Variants in HMCN1 observed in about 807,000 individuals in gnomAD.
HMCN1 encodes the protein hemicentin-1.
Under a neutral mutation model 625.9 loss-of-function variants are expected in HMCN1, and 321 were observed. The ratio of observed to expected loss-of-function variants is 0.51; its 90% CI spans 0.47 to 0.56. The LOEUF (loss-of-function observed/expected upper bound fraction) is 0.56, where lower values mean the gene tolerates loss of function less well. HMCN1 is among the 20% of genes least tolerant of loss of function. The pLI, the probability that HMCN1 is intolerant of heterozygous loss-of-function variation, is 0.00. For synonymous variants in HMCN1, 2,425 were observed against 2,417.6 expected (o/e 1.00, Z -0.09); for missense variants, 6,588 against 6,887.3 (o/e 0.96, Z 1.54).
At chr1:185,926,390 G>A (rs1277434624) in intron 9 of HMCN1, among the ~76,000 whole-genome samples, 1 of 152,044 alleles carries the variant, frequency 6.6e-6, no homozygotes, top group Non-Finnish European at 1.5e-5. Flanking sequence ...ATATCTTAAT[G>A]ATTTATTTAG....
rs1009834451 is a variant in HMCN1, at chr1:185,987,469, T to C, written c.2973T>C (p.Ser991=). Residue 991 remains serine (S), a synonymous_variant, in exon 20 of 107, where the codon AGT becomes AGC. Transcript: ENST00000271588. ...TTCAGCATGGGCAGCAGATACTCAG[T>C]ACAATTGAAGGCATTCCAGTAACTT... is the stretch of plus-strand genomic sequence containing the variant. ...PTIQHGQQIL[S]TIEGIPVTLP... 4 of 1,613,840 alleles carry C rather than the reference T, an allele frequency of 2.5e-6. No individual in the cohort carries two copies. In the Admixed American group the frequency reaches 6.7e-5, roughly 27 times the overall value.
intron 30 of HMCN1, among the ~76,000 whole-genome samples, chr1:186,009,314 C>G (rs1283515591): frequency 6.6e-6 from 1 of 152,128 alleles, no homozygotes; most frequent in Non-Finnish European, 1.5e-5. Flanking sequence ...AAAGAGGGCT[C>G]TATAATGATT....
chr1:185,873,118 G>T (rs1571481837), intron 4 of HMCN1, among the ~76,000 whole-genome samples: 1 of 152,020 alleles, frequency 6.6e-6, no homozygotes, highest in African/African-American at 2.4e-5. Context: ...AATAGAAAAA[G>T]AAATAAACCT....
At chr1:185,980,388 A>G (rs1280798735) in intron 16 of HMCN1, among the ~76,000 whole-genome samples, 1 of 152,218 alleles carries the variant, frequency 6.6e-6, no homozygotes, top group Non-Finnish European at 1.5e-5. Flanking sequence ...ATACAGAATT[A>G]GGTTGCAGAC....
At chr1:185,737,792 T>A (rs1447611629) in intron 1 of HMCN1, among the ~76,000 whole-genome samples, 1 of 152,216 alleles carries the variant, frequency 6.6e-6, no homozygotes, top group Admixed American at 6.5e-5. Flanking sequence ...ATATTCTATG[T>A]CTTTTGATAT....
chr1:186,139,228 C>G (rs1310420325), intron 89 of HMCN1, among the ~76,000 whole-genome samples: 1 of 152,160 alleles, frequency 6.6e-6, no homozygotes, highest in African/African-American at 2.4e-5. Context: ...GTTTTGAACT[C>G]AGGTTGATCT....
intron 31 of HMCN1, 152 bp downstream of exon 31, chr1:186,015,589 A>G: frequency 1.2e-6 from 1 of 812,622 alleles, no homozygotes; most frequent in Non-Finnish European, 2.0e-6. Flanking sequence ...TGATTTGGAA[A>G]AATATTTTTA....
In HMCN1 at chr1:185,818,572, C is replaced by T. The variant is rs541864745; in HGVS notation, c.269-27454C>T. ...AGAACTGAATATAGTTAATTCTTAC[C>T]TTCTTTGATATAATACAATATGGAT... On this transcript the variant is annotated intron_variant, in intron 1 of 106. Transcript: ENST00000271588. Among the ~76,000 whole-genome samples, 3 of 152,040 alleles carry T rather than the reference C, an allele frequency of 2.0e-5. No individual in the cohort carries two copies. The South Asian group carries it at 6.2e-4, about 32-fold the overall frequency.
In HMCN1 at chr1:185,922,306, A is replaced by G; in HGVS notation, c.901-73A>G. Reference sequence around the variant, plus strand: ...CTAATTAAATATTGTGCAGTTTCCCATACTGGCGAGGGTTGCATATGACCA... The same window carrying G: ...CTAATTAAATATTGTGCAGTTTCCCGTACTGGCGAGGGTTGCATATGACCA... On this transcript the variant is annotated intron_variant, in intron 6 of 106. Coordinates refer to ENST00000271588, the MANE Select transcript of HMCN1 (RefSeq NM_031935.3). 1.1e-5 allele frequency: 17 copies of G among 1,560,818 alleles called. No homozygotes were observed. In the East Asian group the frequency reaches 1.4e-4, roughly 12 times the overall value.
At chr1:185,880,702 C>T (rs1378272382) in intron 4 of HMCN1, among the ~76,000 whole-genome samples, 2 of 152,112 alleles carry the variant, frequency 1.3e-5, no homozygotes, top group Admixed American at 1.3e-4. Flanking sequence ...TAGTAGATTT[C>T]TAGATACATA....
intron 2 of HMCN1, among the ~76,000 whole-genome samples, chr1:185,861,478 T>G (rs1662862859): frequency 6.6e-6 from 1 of 152,212 alleles, no homozygotes. Context: ...CACAGTGTCA[T>G]GCGCAGTTGA....
intron 89 of HMCN1, among the ~76,000 whole-genome samples, chr1:186,142,357 G>A (rs1650025123): frequency 6.6e-6 from 1 of 152,152 alleles, no homozygotes; most frequent in Non-Finnish European, 1.5e-5. Flanking sequence ...TTTTATGGCT[G>A]CATAGTATTC....
chr1:186,099,627 A>T (rs1326716461), intron 68 of HMCN1, among the ~76,000 whole-genome samples: 2 of 152,176 alleles, frequency 1.3e-5, no homozygotes, highest in East Asian at 3.9e-4. Context: ...CAGTGTAATG[A>T]GGATTATATG....
intron 82 of HMCN1, among the ~76,000 whole-genome samples, chr1:186,126,318 C>A (rs983786482): frequency 4.6e-5 from 7 of 152,098 alleles, no homozygotes; most frequent in African/African-American, 1.4e-4. Flanking sequence ...AACACCTTCT[C>A]TGCAACTAGC....
chr1:185,886,000 T>G (rs2102400718), intron 4 of HMCN1, among the ~76,000 whole-genome samples: 1 of 152,170 alleles, frequency 6.6e-6, no homozygotes, highest in East Asian at 1.9e-4. Flanking sequence ...AATCTACCTT[T>G]TTAAATTAAA....
intron 42 of HMCN1, among the ~76,000 whole-genome samples, chr1:186,051,519 T>C (rs1424482665): frequency 6.6e-6 from 1 of 151,980 alleles, no homozygotes; most frequent in African/African-American, 2.4e-5. Flanking sequence ...TTTGTATTAA[T>C]GGAAGCCATG....
intron 1 of HMCN1, among the ~76,000 whole-genome samples, chr1:185,830,778 C>A (rs1660809925): frequency 6.6e-6 from 1 of 151,950 alleles, no homozygotes; most frequent in Non-Finnish European, 1.5e-5. Context: ...GTCTGAGCTA[C>A]TGAGGAGGCT....
rs1234036551 is a variant in HMCN1 at position 186,130,081 on chromosome 1, T to C, written c.13020T>C (p.Ile4340=). Residue 4340 remains isoleucine, a synonymous_variant, in exon 84 of 107, where the codon ATT becomes ATC. Transcript: ENST00000271588. ...AENSVGFVKA[I]GFVYVKEPPV... ...ACAGCGTTGGCTTTGTGAAGGCAATTGGATTTGTTTATGTGAAAGGTAGGG... is the reference window on the plus strand; with the variant it reads ...ACAGCGTTGGCTTTGTGAAGGCAATCGGATTTGTTTATGTGAAAGGTAGGG... The C allele has an allele frequency of 3.1e-6, 5 of 1,613,218 alleles. No individual in the cohort carries two copies. Among genetic ancestry groups the C allele is most frequent in the Non-Finnish European group, 4.2e-6 (5 of 1,179,354 alleles).
intron 4 of HMCN1, among the ~76,000 whole-genome samples, chr1:185,908,644 T>C (rs1666237209): frequency 6.6e-6 from 1 of 151,978 alleles, no homozygotes; most frequent in Non-Finnish European, 1.5e-5. Context: ...TTCTTTATGA[T>C]TTTTAAAGAC....
Sources: gnomAD v4.1 joint callset for allele counts (sites outside exome capture counted in the v4.1 genomes callset) on GRCh38, gnomAD v4.1.1 for gene constraint, MANE v1.5 for transcripts, NCBI Gene and HGNC (gene_info 2026-07-23, HGNC 2026-07-21) for gene names.